IFT80: variants seen among roughly 807,000 people sequenced by gnomAD.
The protein encoded by IFT80 is intraflagellar transport 80.
Under a neutral mutation model 107.9 loss-of-function variants are expected in IFT80, and 79 were observed. The observed-to-expected ratio is 0.73, with a 90% CI of 0.61 to 0.88. The LOEUF (loss-of-function observed/expected upper bound fraction) is 0.88, where lower values mean the gene tolerates loss of function less well. IFT80 is among the 40% of genes least tolerant of loss of function. The pLI is 0.00. For missense variants in IFT80, 797 were observed against 914.2 expected (o/e 0.87, Z 1.65); for synonymous variants, 299 against 300.9 (o/e 0.99, Z 0.07).
At chr3:160,392,441 A>C (rs1353041701) in intron 1 of IFT80, among the ~76,000 whole-genome samples, 2 of 152,206 alleles carry the variant, frequency 1.3e-5, no homozygotes, top group African/African-American at 4.8e-5. Context: ...AGACATTTCA[A>C]ATTTAACAAG....
At chr3:160,361,331 C>T (rs570836216) in intron 6 of IFT80, among the ~76,000 whole-genome samples, 48 of 152,282 alleles carry the variant, frequency 3.2e-4, no homozygotes, top group African/African-American at 9.1e-4. Context: ...GCTAACTATC[C>T]TAAATACATA....
intron 12 of IFT80, among the ~76,000 whole-genome samples, chr3:160,300,047 T>C (rs913149176): frequency 2.6e-5 from 4 of 152,130 alleles, no homozygotes; most frequent in Non-Finnish European, 5.9e-5. Flanking sequence ...CTTCTGGCAG[T>C]TCCTTTAACA....
intron 19 of IFT80, among the ~76,000 whole-genome samples, chr3:160,268,134 G>A (rs888841443): frequency 3.9e-5 from 6 of 152,074 alleles, no homozygotes; most frequent in African/African-American, 7.2e-5. Flanking sequence ...TTCCACCCAC[G>A]TATATTATTT....
chr3:160,275,835 T>C (rs1316775400), intron 18 of IFT80, among the ~76,000 whole-genome samples: 1 of 152,188 alleles, frequency 6.6e-6, no homozygotes, highest in African/African-American at 2.4e-5. Flanking sequence ...TTAAAAAATA[T>C]TCACACTGTC....
chr3:160,332,014 C>T (rs1032571486), intron 8 of IFT80, among the ~76,000 whole-genome samples: 11 of 95,142 alleles, frequency 1.2e-4, no homozygotes, highest in African/African-American at 3.5e-4. Context: ...ATAAAATTTC[C>T]CAGTCTGGAT....
chr3:160,344,662 G>A (rs1720155719), intron 8 of IFT80, among the ~76,000 whole-genome samples: 1 of 152,092 alleles, frequency 6.6e-6, no homozygotes, highest in Admixed American at 6.6e-5. Flanking sequence ...ACAACTCACA[G>A]AATTGGAAAA....
At chr3:160,351,290 TAAC>T (rs1720678898) in intron 8 of IFT80, among the ~76,000 whole-genome samples, 1 of 150,380 alleles carries the variant, frequency 6.6e-6, no homozygotes, top group Non-Finnish European at 1.5e-5. Context: ...TCATTTTTAA[TAAC>T]AATATAATAA....
At position 160,335,755 on chromosome 3, in the gene IFT80, ACTAT is replaced by A. The variant is rs567958744; in HGVS notation, c.778-15820_778-15817del. On this transcript the variant is annotated intron_variant, in intron 8 of 19. Coordinates refer to ENST00000326448, the MANE Select transcript of IFT80 (RefSeq NM_020800.3). Reference sequence around the variant, plus strand: ...TATTCAAAGTTGTGCAACAATCACCACTATCTAATTTCAGAACATTTTCATCACC... The same window carrying A: ...TATTCAAAGTTGTGCAACAATCACCACTAATTTCAGAACATTTTCATCACC... Among the ~76,000 whole-genome samples, 96 of 152,284 alleles carry A rather than the reference ACTAT, an allele frequency of 6.3e-4. 2 individuals carry two copies. The South Asian group carries it at 0.016, about 26-fold the overall frequency.
chr3:160,296,409 G>A (rs1338151453), intron 12 of IFT80, among the ~76,000 whole-genome samples: 1 of 151,774 alleles, frequency 6.6e-6, no homozygotes, highest in Non-Finnish European at 1.5e-5. Context: ...AGTGTCTATT[G>A]CTCATACTTC....
intron 10 of IFT80, 139 bp downstream of exon 10, chr3:160,307,524 G>A: frequency 1.4e-6 from 1 of 713,960 alleles, no homozygotes; most frequent in Non-Finnish European, 2.5e-6. Context: ...CTCACTTCCG[G>A]GTTTGAGGTA....
intron 13 of IFT80, 57 bp from the exon 14 acceptor site, chr3:160,282,670 A>AT (rs1369799214): frequency 4.1e-6 from 4 of 971,602 alleles, no homozygotes; most frequent in Non-Finnish European, 4.8e-6. Context: ...ACATAAGATC[A>AT]TTTTAATTAA....
chr3:160,274,928 C>T (rs1475556445), intron 18 of IFT80, among the ~76,000 whole-genome samples: 1 of 152,088 alleles, frequency 6.6e-6, no homozygotes, highest in Non-Finnish European at 1.5e-5. Context: ...TCAAAAAAAC[C>T]AAAATGATAT....
chr3:160,280,040 G>T lies in IFT80; in HGVS notation c.1664+627C>A, dbSNP rs540957838. Among the ~76,000 whole-genome samples, 6 of 152,128 alleles carry T rather than the reference G, an allele frequency of 3.9e-5. No individual in the cohort carries two copies. The East Asian group carries it at 1.2e-3, about 29-fold the overall frequency. ...TTGATGCCTCTCTGGTTTTGTTAAG[G>T]TTTTGAATTTGAATACTAAAAACAA... On this transcript the variant is annotated intron_variant, in intron 15 of 19. Transcript: ENST00000326448.
intron 18 of IFT80, among the ~76,000 whole-genome samples, chr3:160,269,519 A>G (rs1713637183): frequency 6.6e-6 from 1 of 152,232 alleles, no homozygotes; most frequent in Non-Finnish European, 1.5e-5. Flanking sequence ...TTATTTTTAA[A>G]GTAATATTTT....
rs1470572785 is a variant in IFT80, at chr3:160,353,954, AT to A, written c.777+2058del. Reference sequence around the variant, plus strand: ...TTTAATATGTTTTTAAAATTTTAAAATATTTTAATCAAAATGACAAAATAAA... The same window carrying A: ...TTTAATATGTTTTTAAAATTTTAAAAATTTTAATCAAAATGACAAAATAAA... On this transcript the variant is annotated intron_variant, in intron 8 of 19. Transcript: ENST00000326448. Among the ~76,000 whole-genome samples, 7 of 152,204 alleles carry A rather than the reference AT, an allele frequency of 4.6e-5. No homozygotes were observed. In the East Asian group the frequency reaches 1.2e-3, roughly 25 times the overall value.
intron 5 of IFT80, among the ~76,000 whole-genome samples, chr3:160,371,064 AC>A (rs1244082542): frequency 6.6e-6 from 1 of 152,058 alleles, no homozygotes; most frequent in East Asian, 1.9e-4. Flanking sequence ...TAAATGCCAA[AC>A]CCCTTCTTTT....
intron 9 of IFT80, among the ~76,000 whole-genome samples, chr3:160,312,796 A>T (rs1379998943): frequency 2.4e-5 from 1 of 42,232 alleles, no homozygotes; most frequent in Non-Finnish European, 4.1e-5. Flanking sequence ...ATATATATAT[A>T]ATAAATGTAT....
chr3:160,321,995 G>A (rs1055470963), intron 8 of IFT80, among the ~76,000 whole-genome samples: 1 of 146,882 alleles, frequency 6.8e-6, no homozygotes, highest in Non-Finnish European at 1.5e-5. Context: ...AAGGGTCATT[G>A]TCAGCTTGTT....
At chr3:160,372,457 A>G (rs1440994693) in intron 5 of IFT80, among the ~76,000 whole-genome samples, 3 of 152,232 alleles carry the variant, frequency 2.0e-5, no homozygotes, top group Non-Finnish European at 4.4e-5. Context: ...TACTGTCATT[A>G]TAACAACTTA....
Sources: gnomAD v4.1 joint callset for allele counts (sites outside exome capture counted in the v4.1 genomes callset) on GRCh38, gnomAD v4.1.1 for gene constraint, MANE v1.5 for transcripts, NCBI Gene and HGNC (gene_info 2026-07-23, HGNC 2026-07-21) for gene names.